HS6ST3: variants seen among roughly 807,000 people sequenced by gnomAD.
HS6ST3 encodes heparan sulfate 6-O-sulfotransferase 3, also known as heparan-sulfate 6-O-sulfotransferase 3.
In HS6ST3, 12 loss-of-function variants were observed where a neutral mutation model predicts 36.7. That is an observed-to-expected ratio of 0.33 (90% CI 0.21 to 0.53). HS6ST3 has a LOEUF of 0.53. Among genes scored for constraint, HS6ST3 ranks in the 20% least tolerant of loss-of-function variants. The pLI, the probability that HS6ST3 is intolerant of heterozygous loss-of-function variation, is 0.95. For missense variants in HS6ST3, 584 were observed against 640.9 expected (o/e 0.91, Z 0.96); for synonymous variants, 240 against 257.5 (o/e 0.93, Z 0.65).
chr13:96,595,979 G>A (rs1364465819), intron 1 of HS6ST3, among the ~76,000 whole-genome samples: 3 of 151,822 alleles, frequency 2.0e-5, no homozygotes, highest in East Asian at 1.9e-4. Context: ...GGAAATACAC[G>A]TGGTTTTTGA....
At chr13:96,489,934 A>C (rs1438234704) in intron 1 of HS6ST3, among the ~76,000 whole-genome samples, 2 of 152,040 alleles carry the variant, frequency 1.3e-5, no homozygotes, top group Admixed American at 6.6e-5. Context: ...CTTCCTTCTT[A>C]TGTGCAAAAA....
At chr13:96,368,519 A>G (rs2055274649) in intron 1 of HS6ST3, among the ~76,000 whole-genome samples, 1 of 152,058 alleles carries the variant, frequency 6.6e-6, no homozygotes, top group Admixed American at 6.5e-5. Context: ...TTTTAAAAAA[A>G]AAACATAATT....
chr13:96,493,628 C>T (rs117672644), intron 1 of HS6ST3, among the ~76,000 whole-genome samples: 6 of 152,114 alleles, frequency 3.9e-5, no homozygotes, highest in East Asian at 1.9e-4. Flanking sequence ...GTTGATCTCT[C>T]GATGTATGAA....
intron 1 of HS6ST3, among the ~76,000 whole-genome samples, chr13:96,234,063 A>G (rs1482617701): frequency 1.3e-5 from 2 of 151,870 alleles, no homozygotes; most frequent in Non-Finnish European, 2.9e-5. Context: ...ACTTATAAAC[A>G]AGACTCTTTC....
chr13:96,740,700 C>T (rs1460491173), intron 1 of HS6ST3, among the ~76,000 whole-genome samples: 1 of 152,074 alleles, frequency 6.6e-6, no homozygotes. Flanking sequence ...TCTCTCATGC[C>T]ATTGCTTTAC....
intron 1 of HS6ST3, among the ~76,000 whole-genome samples, chr13:96,587,889 G>A (rs999186871): frequency 2.0e-5 from 3 of 152,082 alleles, no homozygotes; most frequent in African/African-American, 7.2e-5. Context: ...TATGAACACA[G>A]GATATCGTTT....
intron 1 of HS6ST3, among the ~76,000 whole-genome samples, chr13:96,693,774 A>G (rs1289252838): frequency 6.6e-6 from 1 of 152,224 alleles, no homozygotes; most frequent in Non-Finnish European, 1.5e-5. Flanking sequence ...ACACTTTAGT[A>G]TTTACATTCT....
intron 1 of HS6ST3, among the ~76,000 whole-genome samples, chr13:96,140,085 T>C (rs2054023392): frequency 6.6e-6 from 1 of 152,062 alleles, no homozygotes; most frequent in Non-Finnish European, 1.5e-5. Flanking sequence ...ATATATAAAA[T>C]ACAGATAGAT....
intron 1 of HS6ST3, among the ~76,000 whole-genome samples, chr13:96,573,083 C>T (rs1484505972): frequency 2.0e-5 from 3 of 152,154 alleles, no homozygotes; most frequent in African/African-American, 7.2e-5. Context: ...TAAGTGGATT[C>T]TAATCCCATT....
At chr13:96,692,682 G>A (rs608322) in intron 1 of HS6ST3, among the ~76,000 whole-genome samples, 150,884 of 152,276 alleles carry the variant, frequency 0.99, 74,765 homozygotes, top group Middle Eastern at 1. Flanking sequence ...AGGGGATAGC[G>A]GATGTTCATT....
intron 1 of HS6ST3, among the ~76,000 whole-genome samples, chr13:96,474,939 C>T (rs1056050663): frequency 6.6e-6 from 1 of 152,088 alleles, no homozygotes; most frequent in Non-Finnish European, 1.5e-5. Context: ...GAACTCAAAA[C>T]CTGTTTTTTC....
chr13:96,685,029 A>G (rs1874730935), intron 1 of HS6ST3, among the ~76,000 whole-genome samples: 1 of 152,156 alleles, frequency 6.6e-6, no homozygotes, highest in African/African-American at 2.4e-5. Context: ...TAAAGTAAAA[A>G]AAGATCAATA....
chr13:96,127,756 G>A (rs995628791), intron 1 of HS6ST3, among the ~76,000 whole-genome samples: 1 of 152,088 alleles, frequency 6.6e-6, no homozygotes, highest in Non-Finnish European at 1.5e-5. Flanking sequence ...TTCTAGGTAC[G>A]GTACTTGCAG....
intron 1 of HS6ST3, among the ~76,000 whole-genome samples, chr13:96,661,573 G>A (rs1191208799): frequency 1.3e-5 from 2 of 152,100 alleles, no homozygotes; most frequent in Non-Finnish European, 1.5e-5. Context: ...CATCTTTTAA[G>A]TAGAGCATTA....
chr13:96,692,576 T>C (rs994997959), intron 1 of HS6ST3, among the ~76,000 whole-genome samples: 2 of 152,156 alleles, frequency 1.3e-5, no homozygotes, highest in Non-Finnish European at 2.9e-5. Flanking sequence ...AGGGGGCTTG[T>C]GCAAAGCCTG....
chr13:96,343,264 C>T (rs139560711), intron 1 of HS6ST3, among the ~76,000 whole-genome samples: 128 of 152,256 alleles, frequency 8.4e-4, no homozygotes, highest in Non-Finnish European at 1.5e-3. Flanking sequence ...GTCAGAAGTC[C>T]AACACTTGCC....
intron 1 of HS6ST3, among the ~76,000 whole-genome samples, chr13:96,162,393 A>G (rs1353890127): frequency 6.6e-6 from 1 of 152,234 alleles, no homozygotes. Context: ...GAGAGACTAA[A>G]TAGGTAGGCG....
chr13:96,666,377 TC>T (rs1343651945), intron 1 of HS6ST3, among the ~76,000 whole-genome samples: 7 of 152,180 alleles, frequency 4.6e-5, no homozygotes, highest in African/African-American at 1.4e-4. Flanking sequence ...ATATTATTTT[TC>T]TTTTCTTCTA....
intron 1 of HS6ST3, among the ~76,000 whole-genome samples, chr13:96,298,050 C>T (rs1371457587): frequency 6.6e-6 from 1 of 152,082 alleles, no homozygotes; most frequent in East Asian, 1.9e-4. Context: ...GTTGTTTTGG[C>T]TCTTCCATGA....
Sources: gnomAD v4.1 joint callset for allele counts (sites outside exome capture counted in the v4.1 genomes callset) on GRCh38, gnomAD v4.1.1 for gene constraint, MANE v1.5 for transcripts, NCBI Gene and HGNC (gene_info 2026-07-23, HGNC 2026-07-21) for gene names.